Variants in CREBBP observed in about 807,000 individuals in gnomAD.
CREBBP encodes the protein CREB binding lysine acetyltransferase, also known as CREB-binding protein.
In CREBBP, 19 loss-of-function variants were observed where a neutral mutation model predicts 265.0. The observed-to-expected ratio is 0.07, with a 90% CI of 0.05 to 0.11. The LOEUF is 0.11. Ranked by LOEUF, CREBBP falls within the 10% of genes least tolerant of loss-of-function variation. The probability of loss-of-function intolerance (pLI) is 1.00; values close to 1 mark genes in which losing one functional copy is unlikely to be tolerated. For synonymous variants in CREBBP, 1,457 were observed against 1,223.7 expected (o/e 1.19, Z -3.98); for missense variants, 2,525 against 3,219.0 (o/e 0.78, Z 5.22).
chr16:3,831,096 G>T (rs556996645), intron 2 of CREBBP, among the ~76,000 whole-genome samples: 1 of 152,236 alleles, frequency 6.6e-6, no homozygotes, highest in Admixed American at 6.5e-5. Context: ...TTCAAGTATA[G>T]ATAGAATATT....
chr16:3,821,326 C>A (rs2054137885), intron 2 of CREBBP, among the ~76,000 whole-genome samples: 1 of 152,160 alleles, frequency 6.6e-6, no homozygotes. Flanking sequence ...ACTGTCAACC[C>A]CTGGACTGGG....
chr16:3,771,047 A>G (rs532554538), intron 13 of CREBBP, 61 bp from the exon 14 acceptor site: 17 of 1,595,210 alleles, frequency 1.1e-5, no homozygotes, highest in Non-Finnish European at 1.5e-5. Flanking sequence ...GTGATGAAAC[A>G]TTTGAAAAAT....
At chr16:3,783,462 A>G (rs923887213) in intron 5 of CREBBP, among the ~76,000 whole-genome samples, 29 of 152,264 alleles carry the variant, frequency 1.9e-4, no homozygotes, top group South Asian at 2.1e-4. Context: ...TCCAAATCAC[A>G]TAATTGCAAG....
intron 5 of CREBBP, among the ~76,000 whole-genome samples, chr16:3,790,230 A>G (rs2053474992): frequency 6.6e-6 from 1 of 152,192 alleles, no homozygotes; most frequent in Non-Finnish European, 1.5e-5. Flanking sequence ...CATTAGAACT[A>G]CTGTCCCAAA....
chr16:3,758,640 G>A (rs2052640612), intron 17 of CREBBP, among the ~76,000 whole-genome samples: 1 of 152,166 alleles, frequency 6.6e-6, no homozygotes, highest in Non-Finnish European at 1.5e-5. Flanking sequence ...TTGCTTCAGT[G>A]CACCCCTCCT....
chr16:3,785,545 C>A (rs1170535485), intron 5 of CREBBP, among the ~76,000 whole-genome samples: 1 of 152,230 alleles, frequency 6.6e-6, no homozygotes, highest in Non-Finnish European at 1.5e-5. Context: ...ACATGGGCCA[C>A]GTAACCTGCT....
chr16:3,731,494 T>C lies in CREBBP; in HGVS notation c.4891-21A>G, dbSNP rs1302287718. ...AAGACCTGCAGGAGAGGAGGGGCTT[T>C]AGTCCCACACAAGGGACATGGCACC... On this transcript the variant is annotated intron_variant, in intron 29 of 30. Transcript: ENST00000262367. This position sits in a 1 kb window ranked among gnomAD's most constrained non-coding sequence, Gnocchi z 7.7. The C allele has an allele frequency of 1.9e-6, 3 of 1,567,172 alleles. No homozygotes were observed. The East Asian group carries it at 7.0e-5, about 36-fold the overall frequency.
chr16:3,837,282 T>G (rs191258829), intron 2 of CREBBP, among the ~76,000 whole-genome samples: 27 of 152,318 alleles, frequency 1.8e-4, no homozygotes, highest in Admixed American at 1.7e-3. Flanking sequence ...TGTGTATGTG[T>G]GTACATTTAT....
chr16:3,815,953 G>C (rs2054030102), intron 2 of CREBBP, among the ~76,000 whole-genome samples: 1 of 151,912 alleles, frequency 6.6e-6, no homozygotes, highest in African/African-American at 2.4e-5. Flanking sequence ...GCAGAACAGA[G>C]AATAGGCAAC....
chr16:3,729,260 G>A lies in CREBBP; in HGVS notation c.5787C>T (p.Pro1929=), dbSNP rs2051844539. 6.5e-7 allele frequency: 1 copy of A among 1,529,466 alleles called. No individual in the cohort carries two copies. Among genetic ancestry groups the A allele is most frequent in the African/African-American group, 1.4e-5 (1 of 72,832 alleles). 94.7% of individuals were successfully genotyped at this position (1,529,466 alleles called of 1,614,324 possible). A position where few individuals can be genotyped will look rare whatever the true frequency, so the allele number is the denominator to read the frequency against. Residue 1929 remains proline, a synonymous_variant, in exon 31 of 31, where the codon CCC becomes CCT. Coordinates refer to ENST00000262367, the MANE Select transcript of CREBBP (RefSeq NM_004380.3). ...AGFPSVARTQ[P]PTTVSTGKPT... is the part of the protein sequence containing the mutation. ...GCTTCCCTGTGGACACCGTGGTGGG[G>A]GGCTGAGTCCGGGCCACGCTGGGGA...
chr16:3,796,002 C>A (rs1003813053), intron 3 of CREBBP, among the ~76,000 whole-genome samples: 4 of 152,132 alleles, frequency 2.6e-5, no homozygotes, highest in Admixed American at 2.6e-4. Flanking sequence ...CAAGAAGGCC[C>A]ACATCCTGTA....
In CREBBP at chr16:3,731,641, C is replaced by A. The variant is rs995208746; in HGVS notation, c.4890+135G>T. On this transcript the variant is annotated intron_variant, in intron 29 of 30. Transcript: ENST00000262367. This position sits in a 1 kb window ranked among gnomAD's most constrained non-coding sequence, Gnocchi z 7.7. ...TGGTGACACGTTGCATGATGTCACCCAACTGGTCCACTTGGTTTCCTGGGG... is the reference window on the plus strand; with the variant it reads ...TGGTGACACGTTGCATGATGTCACCAAACTGGTCCACTTGGTTTCCTGGGG... 2.1e-6 allele frequency: 3 copies of A among 1,424,844 alleles called. No homozygotes were observed. The highest frequency in any genetic ancestry group is 3.0e-6 in the Non-Finnish European group (3 of 1,015,434). 88.3% of individuals were successfully genotyped at this position (1,424,844 alleles called of 1,614,324 possible). A position where few individuals can be genotyped will look rare whatever the true frequency, so the allele number is the denominator to read the frequency against.
At chr16:3,793,661 C>G (rs560297112) in intron 3 of CREBBP, 35 bp from the exon 4 acceptor site, 9 of 1,604,666 alleles carry the variant, frequency 5.6e-6, no homozygotes. Context: ...ATACTTTAAC[C>G]TCTCAGAGTT....
chr16:3,874,729 A>C (rs1395634635), intron 1 of CREBBP, among the ~76,000 whole-genome samples: 1 of 152,220 alleles, frequency 6.6e-6, no homozygotes, highest in African/African-American at 2.4e-5. Context: ...GGCTCTGGGA[A>C]AGTCTGCAGT....
chr16:3,829,576 C>G (rs1039024821), intron 2 of CREBBP, among the ~76,000 whole-genome samples: 3 of 152,110 alleles, frequency 2.0e-5, no homozygotes, highest in African/African-American at 4.8e-5. Flanking sequence ...CTGAACATCC[C>G]AGGAATTAAA....
chr16:3,839,154 G>A (rs916327462), intron 2 of CREBBP, among the ~76,000 whole-genome samples: 16 of 152,142 alleles, frequency 1.1e-4, no homozygotes, highest in African/African-American at 3.9e-4. Flanking sequence ...CTAAAACCCA[G>A]AGAGATTAAA....
chr16:3,744,543 A>G (rs1270301829), intron 23 of CREBBP, among the ~76,000 whole-genome samples: 1 of 152,202 alleles, frequency 6.6e-6, no homozygotes, highest in Non-Finnish European at 1.5e-5. Flanking sequence ...TTTACACTTG[A>G]TGAAGATCCA....
chr16:3,737,654 GGGTTTC>G, intron 26 of CREBBP, among the ~76,000 whole-genome samples: 1 of 152,026 alleles, frequency 6.6e-6, no homozygotes, highest in Non-Finnish European at 1.5e-5. Context: ...AGTACAGACA[GGGTTTC>G]ACCATGTTGG....
chr16:3,823,965 C>T (rs1243895256), intron 2 of CREBBP, among the ~76,000 whole-genome samples: 1 of 146,768 alleles, frequency 6.8e-6, no homozygotes, highest in Non-Finnish European at 1.5e-5. Context: ...GCAACACACA[C>T]ACACACACAC....
Sources: gnomAD v4.1 joint callset for allele counts (sites outside exome capture counted in the v4.1 genomes callset) on GRCh38, gnomAD v4.1.1 for gene constraint, Gnocchi (gnomAD v3.1) non-coding constraint, MANE v1.5 for transcripts, NCBI Gene and HGNC (gene_info 2026-07-23, HGNC 2026-07-21) for gene names.